Variants in SLC22A23 observed in about 807,000 individuals in gnomAD.
The protein encoded by SLC22A23 is solute carrier family 22 member 23.
SLC22A23 carries 26 observed loss-of-function variants against 61.0 expected under a neutral mutation model. The ratio of observed to expected loss-of-function variants is 0.43; its 90% CI spans 0.31 to 0.59. The LOEUF is 0.59. Ranked by LOEUF, SLC22A23 falls within the 20% of genes least tolerant of loss-of-function variation. The probability of loss-of-function intolerance (pLI) is 0.11; values close to 1 mark genes in which losing one functional copy is unlikely to be tolerated. For synonymous variants in SLC22A23, 430 were observed against 413.9 expected (o/e 1.04, Z -0.47); for missense variants, 796 against 934.7 (o/e 0.85, Z 1.94).
At chr6:3,311,673 T>C (rs1762374334) in intron 4 of SLC22A23, 1 of 152,224 alleles carries the variant, frequency 6.6e-6, no homozygotes. Flanking sequence ...CTAAGGCAAA[T>C]GAATTCCTTG....
intron 3 of SLC22A23, among the ~76,000 whole-genome samples, chr6:3,353,979 A>G (rs1373404322): frequency 6.6e-6 from 1 of 152,240 alleles, no homozygotes; most frequent in Non-Finnish European, 1.5e-5. Context: ...CTAAGAAGGC[A>G]CAAGGAAAAA....
chr6:3,281,514 A>G (rs1198039899), intron 9 of SLC22A23, among the ~76,000 whole-genome samples: 1 of 152,210 alleles, frequency 6.6e-6, no homozygotes, highest in African/African-American at 2.4e-5. Context: ...CAGGCAGTCC[A>G]TCCTGGCCCC....
chr6:3,298,316 G>A, intron 4 of SLC22A23, 98 bp from the exon 5 acceptor site: 2 of 1,425,238 alleles, frequency 1.4e-6, no homozygotes, highest in South Asian at 2.8e-5. Context: ...CAGGCAGGTG[G>A]CGGTCAGTCT....
In SLC22A23 at chr6:3,366,332, C is replaced by CAAA. The variant is rs11387672; in HGVS notation, c.914-42333_914-42331dup. On this transcript the variant is annotated intron_variant, in intron 3 of 9. Coordinates refer to ENST00000406686, the MANE Select transcript of SLC22A23 (RefSeq NM_015482.2). ...TGGGTGACAGAGCAAGACTCTGTCT[C>CAAA]AAAAAAAAAAAAAAAAAAAAAAAAA... Among the ~76,000 whole-genome samples, 597 of 74,122 alleles carry CAAA rather than the reference C, an allele frequency of 8.1e-3. 48 individuals carry two copies. The highest frequency in any genetic ancestry group is 0.015 in the Middle Eastern group (1 of 68). 48.6% of individuals were successfully genotyped at this position (74,122 alleles called of 152,430 possible).
intron 3 of SLC22A23, among the ~76,000 whole-genome samples, chr6:3,405,819 C>T (rs1768787700): frequency 6.6e-6 from 1 of 152,128 alleles, no homozygotes; most frequent in South Asian, 2.1e-4. Flanking sequence ...GGGATCAGCA[C>T]CCCACCCAGA....
chr6:3,312,206 GATGA>G (rs1762398717), intron 4 of SLC22A23: 1 of 152,148 alleles, frequency 6.6e-6, no homozygotes, highest in African/African-American at 2.4e-5. Flanking sequence ...ATTATAAGCG[GATGA>G]ATACTTGGAG....
intron 5 of SLC22A23, chr6:3,290,330 T>C (rs1760466086): frequency 4.4e-6 from 1 of 226,040 alleles, no homozygotes; most frequent in African/African-American, 2.3e-5. Context: ...GAAGGCCACA[T>C]GCAGATATGC....
At chr6:3,445,437 G>A (rs9502005) in intron 1 of SLC22A23, among the ~76,000 whole-genome samples, 79,748 of 152,094 alleles carry the variant, frequency 0.52, 21,232 homozygotes, top group South Asian at 0.73. Flanking sequence ...TGACCTCAGG[G>A]GATCCACCTG....
intron 3 of SLC22A23, among the ~76,000 whole-genome samples, chr6:3,332,489 A>G (rs567672778): frequency 6.6e-6 from 1 of 152,296 alleles, no homozygotes; most frequent in South Asian, 2.1e-4. Flanking sequence ...TGGATTTAAA[A>G]ACACTTTTCT....
chr6:3,427,170 T>A lies in SLC22A23; in HGVS notation c.655-11315A>T, dbSNP rs549042927. ...TGTGGGGGCTCAGTTTTAACATCTA[T>A]GACGTAGGAGTCGCAAAACCTTCAC... On this transcript the variant is annotated intron_variant, in intron 1 of 9. Coordinates refer to ENST00000406686, the MANE Select transcript of SLC22A23 (RefSeq NM_015482.2). This position sits in a 1 kb window ranked among gnomAD's most constrained non-coding sequence, Gnocchi z 4.3. Among the ~76,000 whole-genome samples the A allele has an allele frequency of 6.6e-6, 1 of 152,184 alleles. No individual in the cohort carries two copies. Among genetic ancestry groups the A allele is most frequent in the Non-Finnish European group, 1.5e-5 (1 of 68,028 alleles).
chr6:3,370,378 C>T (rs183267466), intron 3 of SLC22A23, among the ~76,000 whole-genome samples: 27 of 152,384 alleles, frequency 1.8e-4, no homozygotes, highest in Admixed American at 7.8e-4. Context: ...TGCCTTCCAA[C>T]GGCAGGTGGC....
At chr6:3,289,620 C>T in intron 6 of SLC22A23, 144 bp downstream of exon 6, 3 of 685,134 alleles carry the variant, frequency 4.4e-6, no homozygotes, top group Non-Finnish European at 7.3e-6. Context: ...AGGTCAATAT[C>T]TTCTAGCCCG....
chr6:3,369,307 T>C (rs1343342241), intron 3 of SLC22A23, among the ~76,000 whole-genome samples: 1 of 152,198 alleles, frequency 6.6e-6, no homozygotes, highest in South Asian at 2.1e-4. Flanking sequence ...AAGGTCACCA[T>C]CACCTCCTTA....
chr6:3,289,696 C>T (rs1760391473), intron 6 of SLC22A23, 68 bp downstream of exon 6: 1 of 1,331,438 alleles, frequency 7.5e-7, no homozygotes, highest in Admixed American at 1.8e-5. Context: ...GGGCCCTGGG[C>T]TTCACCACTC....
chr6:3,417,233 G>T (rs1382539448), intron 1 of SLC22A23, among the ~76,000 whole-genome samples: 1 of 152,166 alleles, frequency 6.6e-6, no homozygotes, highest in African/African-American at 2.4e-5. Context: ...GACTCCTTGG[G>T]ACACACACTG....
intron 4 of SLC22A23, chr6:3,323,479 C>CA: frequency 2.4e-6 from 1 of 412,440 alleles, no homozygotes; most frequent in Non-Finnish European, 4.6e-6. Flanking sequence ...CAAATCCCCC[C>CA]TCCTAACACA....
chr6:3,311,061 C>T (rs1185185102), intron 4 of SLC22A23, among the ~76,000 whole-genome samples: 2 of 152,236 alleles, frequency 1.3e-5, no homozygotes, highest in Non-Finnish European at 2.9e-5. Flanking sequence ...GCACCATCCA[C>T]CTGCTGTGGA....
chr6:3,326,205 C>A (rs1763271530), intron 3 of SLC22A23, among the ~76,000 whole-genome samples: 1 of 152,210 alleles, frequency 6.6e-6, no homozygotes, highest in South Asian at 2.1e-4. Context: ...GCTGGCACAT[C>A]TCTTAGTGTG....
At chr6:3,439,696 C>G (rs1771463869) in intron 1 of SLC22A23, among the ~76,000 whole-genome samples, 2 of 152,206 alleles carry the variant, frequency 1.3e-5, no homozygotes, top group African/African-American at 4.8e-5. Flanking sequence ...CTTTCGCCAC[C>G]TCCTTACTGG....
Sources: allele counts gnomAD v4.1 joint callset (sites outside exome capture counted in the v4.1 genomes callset), GRCh38; gene constraint gnomAD v4.1.1; non-coding constraint Gnocchi (gnomAD v3.1); transcripts MANE v1.5; gene names NCBI Gene and HGNC (gene_info 2026-07-23, HGNC 2026-07-21).